The following DLX6 variants were observed in gnomAD, a reference collection of about 807,000 sequenced individuals.
DLX6 encodes distal-less homeobox 6.
A neutral mutation model predicts 33.5 loss-of-function variants in DLX6; 4 were observed. The observed-to-expected ratio is 0.12, with a 90% CI of 0.06 to 0.27. The LOEUF (loss-of-function observed/expected upper bound fraction) is 0.27, where lower values mean the gene tolerates loss of function less well. DLX6 is among the 10% of genes least tolerant of loss of function. The pLI is 1.00. For synonymous variants in DLX6, 184 were observed against 164.8 expected (o/e 1.12, Z -0.89); for missense variants, 382 against 393.3 (o/e 0.97, Z 0.24).
chr7:97,007,691 G>A lies in DLX6; in HGVS notation c.490G>A (p.Gly164Arg), dbSNP rs769542391. Reference protein sequence around the residue: ...ENGEIRFNGKGKKIRKPRTIY... With the variant: ...ENGEIRFNGKRKKIRKPRTIY... ...CGGGGAAATCAGGTTCAATGGAAAA[G>A]GGAAAAAGATTCGGAAGCCTCGGAC... Residue 164 changes from glycine (G) to arginine (R), a missense_variant, in exon 2 of 3, where the codon GGG becomes AGG. Physicochemically the swap from Gly to Arg is moderately radical, Grantham distance 125. Coordinates refer to ENST00000518156, the MANE Select transcript of DLX6 (RefSeq NM_005222.4). 6.2e-7 allele frequency: 1 copy of A among 1,612,786 alleles called. No individual in the cohort carries two copies. The highest frequency in any genetic ancestry group is 1.1e-5 in the South Asian group (1 of 90,682).
intron 2 of DLX6, 136 bp downstream of exon 2, chr7:97,007,967 G>A: frequency 2.3e-6 from 2 of 873,804 alleles, no homozygotes; most frequent in Non-Finnish European, 3.4e-6. Flanking sequence ...TTTTGCTCCA[G>A]TTATGCACTT....
In DLX6 at chr7:97,005,819, C is replaced by A; in HGVS notation, c.-159C>A. The A allele has an allele frequency of 1.9e-6, 1 of 533,314 alleles. No homozygotes were observed. The highest frequency in any genetic ancestry group is 3.2e-6 in the Non-Finnish European group (1 of 314,126). The allele number at this position is 533,314 out of a possible 1,614,324, so 33.0% of individuals were successfully genotyped here. ...GAGAAGAGCGAGGGAGAGGGAGAAC[C>A]ACCTCCACCCCCCTCTTTAAATTCT... On this transcript the variant is annotated 5_prime_UTR_variant, in exon 1 of 3. Coordinates refer to ENST00000518156, the MANE Select transcript of DLX6 (RefSeq NM_005222.4).
Position 97,010,111 on chromosome 7 carries a change from G to A in DLX6, c.*64G>A, listed in dbSNP as rs1208973820. 2.6e-6 allele frequency: 4 copies of A among 1,533,258 alleles called. No homozygotes were observed. The highest frequency in any genetic ancestry group is 4.9e-5 in the East Asian group (2 of 40,698). 95.0% of individuals were successfully genotyped at this position (1,533,258 alleles called of 1,614,324 possible). A position where few individuals can be genotyped will look rare whatever the true frequency, so the allele number is the denominator to read the frequency against. Reference sequence around the variant, plus strand: ...GGAAAAGAGGATCCGGGACCTGCTTGTATCTGCGAAAAGGAGCCAAAGGAG... The same window carrying A: ...GGAAAAGAGGATCCGGGACCTGCTTATATCTGCGAAAAGGAGCCAAAGGAG... On this transcript the variant is annotated 3_prime_UTR_variant, in exon 3 of 3. Transcript: ENST00000518156.
chr7:97,007,259 A>G lies in DLX6; in HGVS notation c.437-379A>G, dbSNP rs1486274297. On this transcript the variant is annotated intron_variant, in intron 1 of 2. Transcript: ENST00000518156. ...GCCGCGTAAACACCTGGGTGGCTCA[A>G]GCACAGCTTCAGGTACTGTTAAGCC... 7.6e-6 allele frequency: 4 copies of G among 529,102 alleles called. No individual in the cohort carries two copies. In the African/African-American group the frequency reaches 7.6e-5, roughly 10 times the overall value. 32.8% of individuals were successfully genotyped at this position (529,102 alleles called of 1,614,324 possible).
At position 97,006,186 on chromosome 7, in the gene DLX6, C is replaced by G. The variant is rs1441026623; in HGVS notation, c.209C>G (p.Pro70Arg). 1 of 1,538,414 alleles carries G rather than the reference C, an allele frequency of 6.5e-7. No homozygotes were observed. The highest frequency in any genetic ancestry group is 8.8e-7 in the Non-Finnish European group (1 of 1,138,738). ...CCGGCCATGGCAGGCGCGCACTACC[C>G]TCTGCACTGCCTGCACTCGGCGGCG... ...SSPAMAGAHYPLHCLHSAAAA... is the reference protein window; with the variant it reads ...SSPAMAGAHYRLHCLHSAAAA... The change falls in exon 1 of 3, where the codon CCT becomes CGT. Residue 70 changes from proline (P) to arginine (R), a missense_variant. Physicochemically the swap from Pro to Arg is moderately radical, Grantham distance 103. Around this residue, in one of 4 missense-constraint regions of DLX6, gnomAD observed 257 missense variants for 206.9 expected, o/e 1.24. Transcript: ENST00000518156.
intron 1 of DLX6, 132 bp from the exon 2 acceptor site, chr7:97,007,506 G>A (rs549944071): frequency 3.7e-6 from 3 of 815,218 alleles, no homozygotes; most frequent in Non-Finnish European, 6.2e-6. Context: ...AAGAGAGGTC[G>A]GGGCATCATA....
At position 97,006,138 on chromosome 7, in the gene DLX6, A is replaced by G. The variant is rs563784519; in HGVS notation, c.161A>G (p.Gln54Arg). 1 of 1,383,602 alleles carries G rather than the reference A, an allele frequency of 7.2e-7. No homozygotes were observed. The highest frequency in any genetic ancestry group is 1.0e-6 in the Non-Finnish European group (1 of 1,000,632). The allele number at this position is 1,383,602 out of a possible 1,614,324, so 85.7% of individuals were successfully genotyped here. Residue 54 changes from glutamine to arginine, a missense_variant, in exon 1 of 3, where the codon CAG (glutamine) becomes CGG (arginine). Transcript: ENST00000518156. Reference sequence around the variant, plus strand: ...CCGCCGCCGCCGCCGCCGCCGCCGCAGCCGCACTCGCAGCAGAGCTCCCCG... The same window carrying G: ...CCGCCGCCGCCGCCGCCGCCGCCGCGGCCGCACTCGCAGCAGAGCTCCCCG... ...QPPPPPPPPPQPHSQQSSPAM... is the reference protein window; with the variant it reads ...QPPPPPPPPPRPHSQQSSPAM...
In DLX6 at chr7:97,006,371, C is replaced by G; in HGVS notation, c.394C>G (p.His132Asp). 1.4e-6 allele frequency: 2 copies of G among 1,465,750 alleles called. No individual in the cohort carries two copies. Among genetic ancestry groups the G allele is most frequent in the Non-Finnish European group, 1.8e-6 (2 of 1,100,162 alleles). The allele number at this position is 1,465,750 out of a possible 1,614,324, so 90.8% of individuals were successfully genotyped here. The change falls in exon 1 of 3, where the codon CAC becomes GAC. Residue 132 changes from histidine to aspartate, a missense_variant. This residue lies in a region of DLX6 where 257 missense variants were observed against 206.9 expected (regional missense o/e 1.24). Coordinates refer to ENST00000518156, the MANE Select transcript of DLX6 (RefSeq NM_005222.4). ...GCACAGCCCTTACCTCCAGTCCTACCACAACAGCAGCGCAGCCGCCCAGAC... is the reference window on the plus strand; with the variant it reads ...GCACAGCCCTTACCTCCAGTCCTACGACAACAGCAGCGCAGCCGCCCAGAC... ...SQHSPYLQSY[H>D]NSSAAAQTRG...
At position 97,010,115 on chromosome 7, in the gene DLX6, C is replaced by G; in HGVS notation, c.*68C>G. On this transcript the variant is annotated 3_prime_UTR_variant, in exon 3 of 3. Coordinates refer to ENST00000518156, the MANE Select transcript of DLX6 (RefSeq NM_005222.4). ...AAGAGGATCCGGGACCTGCTTGTAT[C>G]TGCGAAAAGGAGCCAAAGGAGCAGG... 6.5e-7 allele frequency: 1 copy of G among 1,528,856 alleles called. No individual in the cohort carries two copies. The allele number at this position is 1,528,856 out of a possible 1,614,324, so 94.7% of individuals were successfully genotyped here. A position where few individuals can be genotyped will look rare whatever the true frequency, so the allele number is the denominator to read the frequency against.
At chr7:97,006,755 A>AC (rs1789744718) in intron 1 of DLX6, 1 of 154,138 alleles carries the variant, frequency 6.5e-6, no homozygotes, top group Admixed American at 6.5e-5. Context: ...TCCAGGCTGT[A>AC]ACCCACGTTT....
In DLX6 at chr7:97,005,889, G is replaced by C. The variant is rs2115863435; in HGVS notation, c.-89G>C. ...TTTTGCAAGGATCCAAAGAGCTAAGGTGGCTGCAGAGGGGAGAGCGGCGCG... is the reference window on the plus strand; with the variant it reads ...TTTTGCAAGGATCCAAAGAGCTAAGCTGGCTGCAGAGGGGAGAGCGGCGCG... On this transcript the variant is annotated 5_prime_UTR_variant, in exon 1 of 3. Transcript: ENST00000518156. The C allele has an allele frequency of 2.7e-6, 2 of 750,736 alleles. No individual in the cohort carries two copies. The highest frequency in any genetic ancestry group is 7.1e-5 in the East Asian group (2 of 28,294). 46.5% of individuals were successfully genotyped at this position (750,736 alleles called of 1,614,324 possible).
Position 97,005,909 on chromosome 7 carries a change from G to A in DLX6, c.-69G>A, listed in dbSNP as rs1162082138. The A allele has an allele frequency of 7.5e-7, 1 of 1,325,686 alleles. No individual in the cohort carries two copies. The highest frequency in any genetic ancestry group is 1.5e-5 in the South Asian group (1 of 68,350). The allele number at this position is 1,325,686 out of a possible 1,614,324, so 82.1% of individuals were successfully genotyped here. The stretch of plus-strand genomic sequence containing the variant: ...CTAAGGTGGCTGCAGAGGGGAGAGC[G>A]GCGCGAGCCAAGTGGGGGAGGGTGG... On this transcript the variant is annotated 5_prime_UTR_variant, in exon 1 of 3. Coordinates refer to ENST00000518156, the MANE Select transcript of DLX6 (RefSeq NM_005222.4).
At chr7:97,009,691 GTTTTTTGT>G in intron 2 of DLX6, 97 bp from the exon 3 acceptor site, 1 of 1,514,066 alleles carries the variant, frequency 6.6e-7, no homozygotes, top group Admixed American at 2.2e-5. Context: ...GTTGTTTTTT[GTTTTTTGT>G]TTTTTTGCTT....
chr7:97,008,851 G>A (rs1789790646), intron 2 of DLX6, among the ~76,000 whole-genome samples: 1 of 152,196 alleles, frequency 6.6e-6, no homozygotes. Context: ...AATATTTGGG[G>A]TTTGATATGA....
chr7:97,008,318 A>C (rs1405644488), intron 2 of DLX6, among the ~76,000 whole-genome samples: 3 of 152,222 alleles, frequency 2.0e-5, no homozygotes, highest in East Asian at 3.9e-4. Flanking sequence ...AATGAGGTTT[A>C]GTAAAGGCTC....
Position 97,005,843 on chromosome 7 carries a change from C to CTTTT in DLX6, c.-114_-111dup, listed in dbSNP as rs753838572. ...CCACCTCCACCCCCCTCTTTAAATTCTTTTTTTTTTTTTTTTTTTTTTTTG... is the reference window on the plus strand; with the variant it reads ...CCACCTCCACCCCCCTCTTTAAATTCTTTTTTTTTTTTTTTTTTTTTTTTTTTTG... On this transcript the variant is annotated 5_prime_UTR_variant, in exon 1 of 3. Coordinates refer to ENST00000518156, the MANE Select transcript of DLX6 (RefSeq NM_005222.4). The CTTTT allele has an allele frequency of 2.1e-4, 47 of 226,644 alleles. No individual in the cohort carries two copies. The highest frequency in any genetic ancestry group is 4.6e-4 in the African/African-American group (9 of 19,464). 14.0% of individuals were successfully genotyped at this position (226,644 alleles called of 1,614,324 possible). A position where few individuals can be genotyped will look rare whatever the true frequency, so the allele number is the denominator to read the frequency against.
rs753286015 is a variant in DLX6 at position 97,006,203 on chromosome 7, TCGGCGG to T, written c.237_242del (p.Ala82_Ala83del). 1.3e-5 allele frequency: 20 copies of T among 1,491,222 alleles called. No homozygotes were observed. Among genetic ancestry groups the T allele is most frequent in the Non-Finnish European group, 7.2e-6 (8 of 1,114,088 alleles). The allele number at this position is 1,491,222 out of a possible 1,614,324, so 92.4% of individuals were successfully genotyped here. ...GCACTACCCTCTGCACTGCCTGCAC[TCGGCGG>T]CGGCGGCGGCAGCGGCCGGCTCGCA... is the stretch of plus-strand genomic sequence containing the variant. On this transcript the variant is annotated inframe_deletion, in exon 1 of 3. Transcript: ENST00000518156.
Position 97,006,147 on chromosome 7 carries a change from C to G in DLX6, c.170C>G (p.Ser57Trp). 2 of 1,540,894 alleles carry G rather than the reference C, an allele frequency of 1.3e-6. No individual in the cohort carries two copies. Among genetic ancestry groups the G allele is most frequent in the South Asian group, 2.4e-5 (2 of 83,740 alleles). ...PPPPPPPQPH[S>W]QQSSPAMAGA... ...CCGCCGCCGCCGCCGCAGCCGCACT[C>G]GCAGCAGAGCTCCCCGGCCATGGCA... The change falls in exon 1 of 3, where the codon TCG (serine) becomes TGG (tryptophan). Residue 57 changes from serine to tryptophan, a missense_variant. Around this residue, in one of 4 missense-constraint regions of DLX6, gnomAD observed 257 missense variants for 206.9 expected, o/e 1.24. Coordinates refer to ENST00000518156, the MANE Select transcript of DLX6 (RefSeq NM_005222.4).
In DLX6 at chr7:97,010,077, T is replaced by A; in HGVS notation, c.*30T>A. On this transcript the variant is annotated 3_prime_UTR_variant, in exon 3 of 3. Coordinates refer to ENST00000518156, the MANE Select transcript of DLX6 (RefSeq NM_005222.4). ...CCCAAGGGAACACCCTAGGGAAACG[T>A]CTGAACAAGGAAAAGAGGATCCGGG... The A allele has an allele frequency of 6.4e-7, 1 of 1,562,438 alleles. No homozygotes were observed. Among genetic ancestry groups the A allele is most frequent in the African/African-American group, 1.4e-5 (1 of 73,520 alleles).
Sources: gnomAD v4.1 joint callset for allele counts (sites outside exome capture counted in the v4.1 genomes callset) on GRCh38, gnomAD v4.1.1 for gene constraint, gnomAD v4.1.1 regional missense constraint, MANE v1.5 for transcripts, NCBI Gene and HGNC (gene_info 2026-07-23, HGNC 2026-07-21) for gene names.